Variants in RMDN2 observed in about 807,000 individuals in gnomAD.
RMDN2 encodes the protein regulator of microtubule dynamics 2.
Under a neutral mutation model 52.8 loss-of-function variants are expected in RMDN2, and 61 were observed. That is an observed-to-expected ratio of 1.16 (90% CI 0.94 to 1.43). The LOEUF is 1.43. Among genes scored for constraint, RMDN2 ranks in the 40% most tolerant of loss-of-function variants. RMDN2 has a pLI of 0.00. For missense variants in RMDN2, 592 were observed against 475.3 expected (o/e 1.25, Z -2.28); for synonymous variants, 180 against 153.1 (o/e 1.18, Z -1.30).
intron 2 of RMDN2, among the ~76,000 whole-genome samples, chr2:37,930,272 T>C (rs1246661863): frequency 6.6e-6 from 1 of 152,258 alleles, no homozygotes; most frequent in Non-Finnish European, 1.5e-5. Flanking sequence ...TACTGAATTT[T>C]AGTGCAGGTC....
intron 2 of RMDN2, among the ~76,000 whole-genome samples, chr2:37,944,475 TG>T (rs1213529435): frequency 6.6e-6 from 1 of 152,204 alleles, no homozygotes. Flanking sequence ...AACAGGTGGC[TG>T]GTAGATTAGG....
At chr2:37,945,354 C>A (rs1668135793) in intron 2 of RMDN2, among the ~76,000 whole-genome samples, 1 of 152,162 alleles carries the variant, frequency 6.6e-6, no homozygotes, top group Non-Finnish European at 1.5e-5. Flanking sequence ...GGTAACAAAG[C>A]CCTTGCACTC....
intron 10 of RMDN2, among the ~76,000 whole-genome samples, chr2:38,025,899 T>A (rs1402146851): frequency 6.6e-6 from 1 of 152,142 alleles, no homozygotes; most frequent in Non-Finnish European, 1.5e-5. Flanking sequence ...CAACGGATAT[T>A]GGTTTGTAGT....
At chr2:37,977,799 G>A (rs1299132040) in intron 4 of RMDN2, among the ~76,000 whole-genome samples, 1 of 151,956 alleles carries the variant, frequency 6.6e-6, no homozygotes, top group Non-Finnish European at 1.5e-5. Flanking sequence ...TTCCTAGATG[G>A]GATGATGGCC....
At position 37,953,417 on chromosome 2, in the gene RMDN2, C is replaced by G. The variant is rs1426894552; in HGVS notation, c.453-20623C>G. 3.3e-5 allele frequency among the ~76,000 whole-genome samples: 5 copies of G among 152,116 alleles called. No homozygotes were observed. The East Asian group carries it at 5.8e-4, about 18-fold the overall frequency. Reference sequence around the variant, plus strand: ...TCTATGATTTTGGCTACTCCAAGTACCTCATATAAGTGGAATCGTATGGTA... The same window carrying G: ...TCTATGATTTTGGCTACTCCAAGTAGCTCATATAAGTGGAATCGTATGGTA... On this transcript the variant is annotated intron_variant, in intron 2 of 10. Coordinates refer to ENST00000354545, the MANE Select transcript of RMDN2 (RefSeq NM_001170791.3).
At chr2:38,059,951 G>T (rs1053862775) in intron 10 of RMDN2, among the ~76,000 whole-genome samples, 2 of 152,054 alleles carry the variant, frequency 1.3e-5, no homozygotes, top group East Asian at 3.9e-4. Context: ...AGGCTGGAGT[G>T]CAGTGACTCG....
At chr2:38,048,156 G>A (rs533066255) in intron 10 of RMDN2, among the ~76,000 whole-genome samples, 3 of 152,198 alleles carry the variant, frequency 2.0e-5, no homozygotes, top group African/African-American at 4.8e-5. Context: ...ATATATAGGA[G>A]GCAGTAAAAT....
At chr2:37,944,169 C>G (rs1053200115) in intron 2 of RMDN2, among the ~76,000 whole-genome samples, 1 of 152,094 alleles carries the variant, frequency 6.6e-6, no homozygotes, top group African/African-American at 2.4e-5. Context: ...GTTTTCATAA[C>G]CTGGAGATGA....
At chr2:38,051,887 G>A (rs796592647) in intron 10 of RMDN2, among the ~76,000 whole-genome samples, 19 of 152,080 alleles carry the variant, frequency 1.2e-4, no homozygotes, top group African/African-American at 4.6e-4. Flanking sequence ...TATTCCATTG[G>A]GTATATACCA....
chr2:38,020,732 C>G (rs1041780677), downstream of RMDN2, among the ~76,000 whole-genome samples: 1 of 152,230 alleles, frequency 6.6e-6, no homozygotes, highest in Admixed American at 6.5e-5. Flanking sequence ...CTCACCAGGC[C>G]TTAGCTGCCT....
exon 11 of RMDN2, chr2:38,067,099 C>A: frequency 9.3e-7 from 1 of 1,076,014 alleles, no homozygotes; most frequent in Non-Finnish European, 1.4e-6. Flanking sequence ...AGTATTTTTA[C>A]CAAGTAAAAA....
At position 38,034,105 on chromosome 2, in the gene RMDN2, C is replaced by T. The variant is rs78960524; in HGVS notation, c.1713+29889C>T. Among the ~76,000 whole-genome samples, 62 of 152,320 alleles carry T rather than the reference C, an allele frequency of 4.1e-4. No individual in the cohort carries two copies. In the East Asian group the frequency reaches 9.2e-3, roughly 23 times the overall value. ...TCAGAAAGACTTCTAGCAGTGTCCT[C>T]GACAGGAAGTCACCACTGTGCTGAG... On this transcript the variant is annotated intron_variant, in intron 10 of 10. Transcript: ENST00000234195.
rs1668848578 is a variant in RMDN2 at position 37,951,838 on chromosome 2, A to G, written c.452+22109A>G. 14 of 1,613,688 alleles carry G rather than the reference A, an allele frequency of 8.7e-6. No individual in the cohort carries two copies. The highest frequency in any genetic ancestry group is 1.2e-5 in the Non-Finnish European group (14 of 1,179,710). ...GGGAACACTATTGATACAGCCTCCT[A>G]TCAACAAAGCACATCATCCTTCTTT... On this transcript the variant is annotated intron_variant, in intron 2 of 10. Coordinates refer to ENST00000354545, the MANE Select transcript of RMDN2 (RefSeq NM_001170791.3).
At chr2:37,932,794 G>A (rs1472560884) in intron 2 of RMDN2, among the ~76,000 whole-genome samples, 122 of 119,798 alleles carry the variant, frequency 1.0e-3, no homozygotes, top group African/African-American at 1.3e-3. Flanking sequence ...CTCCCGGACG[G>A]GGCGGCTGGC....
In RMDN2 at chr2:37,997,500, C is replaced by G. The variant is rs368925051; in HGVS notation, c.1030C>G (p.His344Asp). 1 of 1,608,200 alleles carries G rather than the reference C, an allele frequency of 6.2e-7. No homozygotes were observed. Among genetic ancestry groups the G allele is most frequent in the African/African-American group, 1.3e-5 (1 of 74,792 alleles). Reference sequence around the variant, plus strand: ...ATCTTCAACTGTACAAGAAGCTTTACACAATTTCCTTAAGGTACATTTTGT... The same window carrying G: ...ATCTTCAACTGTACAAGAAGCTTTAGACAATTTCCTTAAGGTACATTTTGT... ...IPSSTVQEAL[H>D]NFLKAEELCP... Residue 344 changes from histidine to aspartate, a missense_variant, in exon 8 of 11, where the codon CAC (histidine) becomes GAC (aspartate). Coordinates refer to ENST00000354545, the MANE Select transcript of RMDN2 (RefSeq NM_001170791.3).
At chr2:38,061,209 C>A (rs892456008) in intron 10 of RMDN2, among the ~76,000 whole-genome samples, 16 of 151,984 alleles carry the variant, frequency 1.1e-4, no homozygotes, top group African/African-American at 3.9e-4. Context: ...CAAGTGTCCT[C>A]TTACATCCTC....
chr2:37,977,464 G>A (rs904072938), intron 4 of RMDN2, among the ~76,000 whole-genome samples: 4 of 150,814 alleles, frequency 2.7e-5, no homozygotes, highest in South Asian at 2.1e-4. Flanking sequence ...GGCTGGGCGG[G>A]GGCTGCCCCC....
intron 10 of RMDN2, among the ~76,000 whole-genome samples, chr2:38,058,799 G>A (rs1681936088): frequency 6.6e-6 from 1 of 152,230 alleles, no homozygotes; most frequent in Admixed American, 6.5e-5. Flanking sequence ...TGGAGATGTT[G>A]GCTCCTCTGC....
Position 37,984,433 on chromosome 2 carries a change from C to T in RMDN2, c.791+3090C>T, listed in dbSNP as rs114535189. Among the ~76,000 whole-genome samples the T allele has an allele frequency of 6.0e-3, 906 of 152,262 alleles. 11 individuals carry two copies. Among genetic ancestry groups the T allele is most frequent in the African/African-American group, 0.02 (847 of 41,554 alleles). On this transcript the variant is annotated intron_variant, in intron 5 of 10. Transcript: ENST00000354545. ...TGATTTACAGAGCAGCTTGTTTTCA[C>T]TTTATAGATGGGGTAAGCAAGGTAC...
Sources: gnomAD v4.1 joint callset for allele counts (sites outside exome capture counted in the v4.1 genomes callset) on GRCh38, gnomAD v4.1.1 for gene constraint, MANE v1.5 for transcripts, NCBI Gene and HGNC (gene_info 2026-07-23, HGNC 2026-07-21) for gene names.